Variants in USP49 observed in about 807,000 individuals in gnomAD.
USP49 encodes the protein ubiquitin specific peptidase 49, also known as ubiquitin carboxyl-terminal hydrolase 49.
A neutral mutation model predicts 58.6 loss-of-function variants in USP49; 24 were observed. The observed-to-expected ratio is 0.41, with a 90% CI of 0.30 to 0.58. The LOEUF (loss-of-function observed/expected upper bound fraction) is 0.58, where lower values mean the gene tolerates loss of function less well. Among genes scored for constraint, USP49 ranks in the 20% least tolerant of loss-of-function variants. The pLI is 0.30. For missense variants in USP49, 703 were observed against 866.1 expected (o/e 0.81, Z 2.36); for synonymous variants, 408 against 365.1 (o/e 1.12, Z -1.34).
intron 3 of USP49, among the ~76,000 whole-genome samples, chr6:41,853,227 C>A (rs769025737): frequency 6.6e-6 from 1 of 152,050 alleles, no homozygotes; most frequent in Non-Finnish European, 1.5e-5. Flanking sequence ...ACACATGCTA[C>A]AACATAAATG....
Position 41,798,830 on chromosome 6 carries a change from A to G in USP49, c.1770T>C (p.Ser590=). ...EPYCCRDMLS[S]LDKETFAYDL... Reference sequence around the variant, plus strand: ...CATAGGCAAAGGTCTCTTTGTCAAGAGAGGAGAGCATGTCCCTGCAGCAGT... The same window carrying G: ...CATAGGCAAAGGTCTCTTTGTCAAGGGAGGAGAGCATGTCCCTGCAGCAGT... The change falls in exon 7 of 8, where the codon TCT becomes TCC. Residue 590 remains serine, a synonymous_variant. Coordinates refer to ENST00000682992, the MANE Select transcript of USP49 (RefSeq NM_001286554.2). 2 of 1,614,070 alleles carry G rather than the reference A, an allele frequency of 1.2e-6. No individual in the cohort carries two copies. The highest frequency in any genetic ancestry group is 1.7e-6 in the Non-Finnish European group (2 of 1,180,012).
chr6:41,805,868 C>T lies in USP49; in HGVS notation c.1116G>A (p.Lys372=), dbSNP rs763026752. Residue 372 remains lysine (K), a synonymous_variant, in exon 4 of 8, where the codon AAG becomes AAA. Transcript: ENST00000682992. Reference sequence around the variant, plus strand: ...TGGCGAAGGGCGACACTAGGGCCCACTTCCCGGACCACATGACTCGGAAGA... The same window carrying T: ...TGGCGAAGGGCGACACTAGGGCCCATTTCCCGGACCACATGACTCGGAAGA... The part of the protein sequence containing the change: ...HTLFRVMWSG[K]WALVSPFAML... 2.5e-6 allele frequency: 4 copies of T among 1,614,054 alleles called. No individual in the cohort carries two copies. In the Admixed American group the frequency reaches 6.7e-5, roughly 27 times the overall value.
At chr6:41,836,752 G>A (rs1773734380) in intron 3 of USP49, among the ~76,000 whole-genome samples, 1 of 151,972 alleles carries the variant, frequency 6.6e-6, no homozygotes, top group Admixed American at 6.6e-5. Flanking sequence ...AAGTTTCAGG[G>A]TGCAAAATCA....
At chr6:41,850,357 C>T (rs538958560) in intron 3 of USP49, among the ~76,000 whole-genome samples, 2 of 151,532 alleles carry the variant, frequency 1.3e-5, no homozygotes, top group Non-Finnish European at 2.9e-5. Context: ...GCAGGAGAAT[C>T]GCTTGAACCT....
intron 3 of USP49, among the ~76,000 whole-genome samples, chr6:41,865,803 CT>C (rs55695314): frequency 0.11 from 12,874 of 118,878 alleles, 1,055 homozygotes; most frequent in African/African-American, 0.25. Context: ...CATGCCTGGC[CT>C]TTTTTTTTTT....
intron 3 of USP49, among the ~76,000 whole-genome samples, chr6:41,848,349 A>G (rs534073565): frequency 1.3e-5 from 2 of 152,194 alleles, no homozygotes; most frequent in South Asian, 2.1e-4. Context: ...GCAATAGTAA[A>G]TCCTTCCCTC....
rs1220567149 is a variant in USP49 at position 41,791,759 on chromosome 6, T to C, written c.*4774A>G. On this transcript the variant is annotated 3_prime_UTR_variant, in exon 8 of 8. Transcript: ENST00000682992. ...GCAGAGTGTGGGATGAATAAGTACA[T>C]AGTAATTAAAGTCATAGTCCTGGCC... The C allele has an allele frequency of 6.6e-6, 1 of 152,310 alleles. No homozygotes were observed. The highest frequency in any genetic ancestry group is 2.1e-4 in the South Asian group (1 of 4,824). The allele number at this position is 152,310 out of a possible 1,614,324, so 9.4% of individuals were successfully genotyped here. A position where few individuals can be genotyped will look rare whatever the true frequency, so the allele number is the denominator to read the frequency against.
intron 3 of USP49, among the ~76,000 whole-genome samples, chr6:41,816,552 C>T (rs1773354174): frequency 6.6e-6 from 1 of 151,924 alleles, no homozygotes; most frequent in Non-Finnish European, 1.5e-5. Flanking sequence ...TATCTATTTC[C>T]TAAAACTTTA....
At chr6:41,854,533 T>C (rs898429210) in intron 3 of USP49, among the ~76,000 whole-genome samples, 3 of 152,154 alleles carry the variant, frequency 2.0e-5, no homozygotes, top group Non-Finnish European at 4.4e-5. Flanking sequence ...AGGGTAAGAT[T>C]CCTATCTATT....
Position 41,885,410 on chromosome 6 carries a change from G to C in USP49, c.-103+6384C>G, listed in dbSNP as rs564276351. ...GTTAACTAGTATACATGATAATACT[G>C]GTAAAGGAAAATAATAGCAACCTGT... is the stretch of plus-strand genomic sequence containing the variant. On this transcript the variant is annotated intron_variant, in intron 2 of 7. Coordinates refer to ENST00000682992, the MANE Select transcript of USP49 (RefSeq NM_001286554.2). Among the ~76,000 whole-genome samples the C allele has an allele frequency of 6.6e-5, 10 of 152,214 alleles. No homozygotes were observed. In the East Asian group the frequency reaches 1.5e-3, roughly 23 times the overall value.
intron 3 of USP49, among the ~76,000 whole-genome samples, chr6:41,845,294 T>C (rs972414460): frequency 3.3e-5 from 5 of 151,940 alleles, no homozygotes; most frequent in Non-Finnish European, 4.4e-5. Flanking sequence ...TCCCAGCACT[T>C]TGGGAGGCCG....
chr6:41,797,833 C>T, intron 7 of USP49: 1 of 984,008 alleles, frequency 1.0e-6, no homozygotes, highest in Non-Finnish European at 1.2e-6. Context: ...TCCTCTAACA[C>T]TGACTGAATA....
At chr6:41,880,670 G>T (rs1774588550) in intron 2 of USP49, among the ~76,000 whole-genome samples, 1 of 152,006 alleles carries the variant, frequency 6.6e-6, no homozygotes, top group African/African-American at 2.4e-5. Flanking sequence ...AAGTATAAAA[G>T]AAAATAAAGA....
At chr6:41,800,740 C>G (rs1303908007) in intron 5 of USP49, among the ~76,000 whole-genome samples, 1 of 151,980 alleles carries the variant, frequency 6.6e-6, no homozygotes, top group Non-Finnish European at 1.5e-5. Flanking sequence ...ATCTTTCAGG[C>G]TTAGGAAAAA....
intron 3 of USP49, among the ~76,000 whole-genome samples, chr6:41,835,891 T>C (rs1038318299): frequency 7.9e-5 from 12 of 151,936 alleles, no homozygotes; most frequent in African/African-American, 2.7e-4. Context: ...CTGAGGAAGA[T>C]GGTGAGACCA....
At chr6:41,883,009 T>C (rs1774639495) in intron 2 of USP49, among the ~76,000 whole-genome samples, 4 of 151,998 alleles carry the variant, frequency 2.6e-5, no homozygotes, top group African/African-American at 9.7e-5. Context: ...CAACCAGGGA[T>C]TTAAGAAATA....
rs1772865526 is a variant in USP49, at chr6:41,795,129, T to C, written c.*1404A>G. On this transcript the variant is annotated 3_prime_UTR_variant, in exon 8 of 8. Transcript: ENST00000682992. ...GAATTCAAACATTAATATGATATAC[T>C]CAGTCAAAAGATGAGCATTCATAGT... 6.6e-6 allele frequency: 1 copy of C among 152,212 alleles called. No individual in the cohort carries two copies. Among genetic ancestry groups the C allele is most frequent in the Non-Finnish European group, 1.5e-5 (1 of 68,036 alleles). 9.4% of individuals were successfully genotyped at this position (152,212 alleles called of 1,614,324 possible).
chr6:41,844,317 C>CT (rs796794722), intron 3 of USP49, among the ~76,000 whole-genome samples: 68 of 147,652 alleles, frequency 4.6e-4, no homozygotes, highest in South Asian at 8.6e-4. Flanking sequence ...CAGTTTCTTT[C>CT]TTTTTTTTTT....
At chr6:41,797,018 C>T (rs1455298861) in intron 7 of USP49, among the ~76,000 whole-genome samples, 1 of 144,668 alleles carries the variant, frequency 6.9e-6, no homozygotes, top group Admixed American at 7.1e-5. Flanking sequence ...GGTGGGTTCT[C>T]GGCTCACTGC....
Sources: allele counts gnomAD v4.1 joint callset (sites outside exome capture counted in the v4.1 genomes callset), GRCh38; gene constraint gnomAD v4.1.1; transcripts MANE v1.5; gene names NCBI Gene and HGNC (gene_info 2026-07-23, HGNC 2026-07-21).